Variants in PELI2 observed in about 807,000 individuals in gnomAD.
PELI2 encodes the protein E3 ubiquitin-protein ligase pellino homolog 2.
A neutral mutation model predicts 42.3 loss-of-function variants in PELI2; 23 were observed. The observed-to-expected ratio is 0.54, with a 90% CI of 0.39 to 0.77. PELI2 has a LOEUF of 0.77. Among genes scored for constraint, PELI2 ranks in the 30% least tolerant of loss-of-function variants. PELI2 has a pLI of 0.00. For missense variants in PELI2, 463 were observed against 553.2 expected (o/e 0.84, Z 1.64); for synonymous variants, 245 against 212.2 (o/e 1.15, Z -1.34).
intron 2 of PELI2, among the ~76,000 whole-genome samples, chr14:56,209,400 A>T (rs1037352814): frequency 6.6e-6 from 1 of 152,142 alleles, no homozygotes; most frequent in Admixed American, 6.5e-5. Context: ...TTTCAACCCA[A>T]TCGATGTGTT....
In PELI2 at chr14:56,132,659, G is replaced by A. The variant is rs189985029; in HGVS notation, c.77+13922G>A. Among the ~76,000 whole-genome samples the A allele has an allele frequency of 6.0e-3, 909 of 152,242 alleles. 4 individuals are homozygous for A. Among genetic ancestry groups the A allele is most frequent in the African/African-American group, 0.017 (710 of 41,546 alleles). ...ATTCAGATCAAATCCAGACAATAGAGCTCATCTCCCTCAGGAGAAGGGCTT... is the reference window on the plus strand; with the variant it reads ...ATTCAGATCAAATCCAGACAATAGAACTCATCTCCCTCAGGAGAAGGGCTT... On this transcript the variant is annotated intron_variant, in intron 1 of 5. Transcript: ENST00000267460.
intron 2 of PELI2, among the ~76,000 whole-genome samples, chr14:56,229,386 G>A (rs1416045384): frequency 6.6e-6 from 1 of 152,226 alleles, no homozygotes; most frequent in African/African-American, 2.4e-5. Flanking sequence ...GCCCCTCTGA[G>A]ACGAAGCTTC....
chr14:56,258,955 C>T (rs1456557470), intron 2 of PELI2, among the ~76,000 whole-genome samples: 1 of 151,872 alleles, frequency 6.6e-6, no homozygotes, highest in Non-Finnish European at 1.5e-5. Context: ...ATCTCAAAAT[C>T]ATCCAAAGAA....
At chr14:56,246,724 C>T (rs1014461904) in intron 2 of PELI2, among the ~76,000 whole-genome samples, 2 of 152,176 alleles carry the variant, frequency 1.3e-5, no homozygotes, top group African/African-American at 2.4e-5. Flanking sequence ...CGCTGGGAAA[C>T]TAAGACTCAA....
chr14:56,188,929 A>T lies in PELI2; in HGVS notation c.207+10465A>T, dbSNP rs535696261. ...AATCCCAGCACTTTAGAAGGCTGAG[A>T]CAGGTGGATCACCTGAGGTCAGGAG... On this transcript the variant is annotated intron_variant, in intron 2 of 5. Coordinates refer to ENST00000267460, the MANE Select transcript of PELI2 (RefSeq NM_021255.3). Among the ~76,000 whole-genome samples, 25 of 152,218 alleles carry T rather than the reference A, an allele frequency of 1.6e-4. 1 individual carries two copies. The highest frequency in any genetic ancestry group is 1.3e-3 in the Admixed American group (20 of 15,284).
chr14:56,153,262 A>T (rs1053014571), intron 1 of PELI2, among the ~76,000 whole-genome samples: 2 of 152,188 alleles, frequency 1.3e-5, no homozygotes, highest in Non-Finnish European at 2.9e-5. Flanking sequence ...GGCTATAGCC[A>T]TTTGGAAAAA....
Position 56,296,595 on chromosome 14 carries a change from T to C in PELI2, c.697-5T>C, listed in dbSNP as rs199712072. On this transcript the variant is annotated splice_polypyrimidine_tract_variant and splice_region_variant and intron_variant, in intron 5 of 5. Transcript: ENST00000267460. ...TAAAAGGCATGTGTCTCAAACTTGT[T>C]GTAGGTGGAAAGTGAGACCAACGTC... is the stretch of plus-strand genomic sequence containing the variant. The C allele has an allele frequency of 1.7e-4, 270 of 1,581,044 alleles. No individual in the cohort carries two copies. Among genetic ancestry groups the C allele is most frequent in the Non-Finnish European group, 2.3e-4 (263 of 1,159,348 alleles).
intron 2 of PELI2, among the ~76,000 whole-genome samples, chr14:56,253,360 G>A (rs954235824): frequency 4.6e-5 from 7 of 152,126 alleles, no homozygotes; most frequent in African/African-American, 1.7e-4. Context: ...GGGCAATCAG[G>A]CAAGATAAAG....
At chr14:56,133,812 C>T (rs532924429) in intron 1 of PELI2, among the ~76,000 whole-genome samples, 11 of 152,296 alleles carry the variant, frequency 7.2e-5, no homozygotes, top group African/African-American at 2.4e-4. Flanking sequence ...CCTTCAAGCA[C>T]CACGACAGGG....
chr14:56,169,213 T>G (rs954558053), intron 1 of PELI2, among the ~76,000 whole-genome samples: 2 of 152,120 alleles, frequency 1.3e-5, no homozygotes, highest in African/African-American at 2.4e-5. Context: ...CATGTGTCCC[T>G]CCTCTCCCTG....
chr14:56,161,519 C>G (rs971908741), intron 1 of PELI2, among the ~76,000 whole-genome samples: 1 of 152,104 alleles, frequency 6.6e-6, no homozygotes, highest in Non-Finnish European at 1.5e-5. Context: ...GCGATCCATC[C>G]GCCTTGGCCT....
intron 5 of PELI2, among the ~76,000 whole-genome samples, chr14:56,295,896 TA>T (rs1889983706): frequency 6.6e-6 from 1 of 152,238 alleles, no homozygotes; most frequent in African/African-American, 2.4e-5. Flanking sequence ...GAAGAGGTTT[TA>T]TTGGCCTTTG....
chr14:56,181,425 C>T lies in PELI2; in HGVS notation c.207+2961C>T, dbSNP rs117205190. 2.6e-3 allele frequency among the ~76,000 whole-genome samples: 392 copies of T among 148,168 alleles called. 7 individuals carry two copies. The East Asian group carries it at 0.059, about 22-fold the overall frequency. ...AGTAAATGTCATGGTACTTGGCAGACACTGGCCTGAAATGACAGTGGTTTG... is the reference window on the plus strand; with the variant it reads ...AGTAAATGTCATGGTACTTGGCAGATACTGGCCTGAAATGACAGTGGTTTG... On this transcript the variant is annotated intron_variant, in intron 2 of 5. Transcript: ENST00000267460.
intron 1 of PELI2, among the ~76,000 whole-genome samples, chr14:56,143,911 C>A (rs889754068): frequency 3.3e-5 from 5 of 152,158 alleles, no homozygotes; most frequent in Admixed American, 3.3e-4. Context: ...ATTTAGAAGT[C>A]AGGATCTGGG....
At chr14:56,245,002 G>A (rs1888101320) in intron 2 of PELI2, among the ~76,000 whole-genome samples, 1 of 152,200 alleles carries the variant, frequency 6.6e-6, no homozygotes, top group Non-Finnish European at 1.5e-5. Flanking sequence ...CATCAAGGAA[G>A]CATAAATGTT....
At chr14:56,162,586 T>G (rs1884805408) in intron 1 of PELI2, among the ~76,000 whole-genome samples, 1 of 152,208 alleles carries the variant, frequency 6.6e-6, no homozygotes, top group Non-Finnish European at 1.5e-5. Context: ...AATGCAGATA[T>G]CTCTTTGATG....
chr14:56,244,428 C>T (rs899604), intron 2 of PELI2, among the ~76,000 whole-genome samples: 109,174 of 152,170 alleles, frequency 0.72, 39,547 homozygotes, highest in African/African-American at 0.8. Context: ...GTGTAACACA[C>T]GAGGGAGAAA....
chr14:56,266,817 T>G (rs932398446), intron 2 of PELI2, among the ~76,000 whole-genome samples: 1 of 152,006 alleles, frequency 6.6e-6, no homozygotes, highest in African/African-American at 2.4e-5. Context: ...GCTTGTAAAA[T>G]AAAATTTAAA....
intron 1 of PELI2, among the ~76,000 whole-genome samples, chr14:56,148,368 G>T (rs1009063144): frequency 6.6e-6 from 1 of 152,182 alleles, no homozygotes; most frequent in Non-Finnish European, 1.5e-5. Flanking sequence ...GCGCATGTGT[G>T]TGTTGGCTCT....
Sources: gnomAD v4.1 joint callset for allele counts (sites outside exome capture counted in the v4.1 genomes callset) on GRCh38, gnomAD v4.1.1 for gene constraint, MANE v1.5 for transcripts, NCBI Gene and HGNC (gene_info 2026-07-23, HGNC 2026-07-21) for gene names.